SS18: variants seen among roughly 807,000 people sequenced by gnomAD.
SS18 encodes the protein SS18 subunit of BAF chromatin remodeling complex.
SS18 carries 28 observed loss-of-function variants against 72.5 expected under a neutral mutation model. That is an observed-to-expected ratio of 0.39 (90% confidence interval 0.29 to 0.53). The LOEUF is 0.53. SS18 is among the 20% of genes least tolerant of loss of function. The pLI, the probability that SS18 is intolerant of heterozygous loss-of-function variation, is 0.76. For synonymous variants in SS18, 172 were observed against 164.2 expected (o/e 1.05, Z -0.37); for missense variants, 518 against 535.3 (o/e 0.97, Z 0.32).
intron 2 of SS18, among the ~76,000 whole-genome samples, chr18:26,081,986 A>G (rs999519772): frequency 3.3e-5 from 5 of 152,068 alleles, no homozygotes; most frequent in Non-Finnish European, 5.9e-5. Flanking sequence ...TGAGAACAGG[A>G]GGTTGAGGCT....
At chr18:26,075,347 C>T (rs7243944) in intron 3 of SS18, among the ~76,000 whole-genome samples, 23 of 151,946 alleles carry the variant, frequency 1.5e-4, no homozygotes, top group African/African-American at 5.3e-4. Flanking sequence ...AACTGAATAT[C>T]GCAATTTCTT....
intron 10 of SS18, among the ~76,000 whole-genome samples, chr18:26,024,322 GA>G (rs1403121510): frequency 6.6e-6 from 1 of 150,650 alleles, no homozygotes; most frequent in Non-Finnish European, 1.5e-5. Flanking sequence ...AGAGGGTGGT[GA>G]TGGCTGCACT....
At chr18:26,076,271 GAA>G (rs1002567461) in intron 3 of SS18, among the ~76,000 whole-genome samples, 4 of 138,834 alleles carry the variant, frequency 2.9e-5, no homozygotes. Flanking sequence ...GATATTCTTG[GAA>G]AAAAAAAAAA....
At chr18:26,059,032 A>C (rs2054073878) in intron 3 of SS18, among the ~76,000 whole-genome samples, 1 of 152,128 alleles carries the variant, frequency 6.6e-6, no homozygotes, top group African/African-American at 2.4e-5. Context: ...TTCTTGTCCA[A>C]ATTTTCTGTT....
chr18:26,089,081 T>A (rs1008665050), intron 1 of SS18, among the ~76,000 whole-genome samples: 19 of 152,126 alleles, frequency 1.2e-4, no homozygotes, highest in African/African-American at 4.3e-4. Flanking sequence ...AATATCAATC[T>A]CTCCCATTGT....
In SS18 at chr18:26,082,287, A is replaced by T. The variant is rs151021440; in HGVS notation, c.147-4127T>A. The stretch of plus-strand genomic sequence containing the variant: ...ACTCATCAATTACTTTGAATAAAGT[A>T]AAATGGACACTCTATTTGTTGACAT... On this transcript the variant is annotated intron_variant, in intron 2 of 10. Transcript: ENST00000415083. The T allele has an allele frequency of 3.1e-5, 23 of 748,418 alleles. No homozygotes were observed. The African/African-American group carries it at 3.8e-4, about 12-fold the overall frequency. 46.4% of individuals were successfully genotyped at this position (748,418 alleles called of 1,614,324 possible).
chr18:26,035,174 A>G lies in SS18; in HGVS notation c.974-47T>C. On this transcript the variant is annotated intron_variant, in intron 8 of 10. Coordinates refer to ENST00000415083, the MANE Select transcript of SS18 (RefSeq NM_001007559.3). The surrounding 1 kb of genome is among the most constrained non-coding windows in gnomAD (Gnocchi z 4.4). ...GGAAAAAAAACTGAGAAGTCTGCTTAAGTAACTTTTTTCCCTCTAAGATGC... is the reference window on the plus strand; with the variant it reads ...GGAAAAAAAACTGAGAAGTCTGCTTGAGTAACTTTTTTCCCTCTAAGATGC... 6.2e-7 allele frequency: 1 copy of G among 1,601,504 alleles called. No individual in the cohort carries two copies.
At chr18:26,047,354 C>A (rs1278572311) in intron 5 of SS18, among the ~76,000 whole-genome samples, 3 of 149,108 alleles carry the variant, frequency 2.0e-5, no homozygotes, top group Non-Finnish European at 3.0e-5. Context: ...TAATAAAAAT[C>A]TTCTCAGGCC....
chr18:26,090,761 C>T (rs2144217586), upstream of SS18: 6 of 620,202 alleles, frequency 9.7e-6, no homozygotes, highest in Non-Finnish European at 8.5e-6. Context: ...CTTCTGCGCA[C>T]TCTGGGGGAC....
intron 2 of SS18, among the ~76,000 whole-genome samples, chr18:26,082,725 T>A (rs2054547893): frequency 1.3e-5 from 2 of 152,224 alleles, no homozygotes; most frequent in African/African-American, 4.8e-5. Context: ...TTTGTGTGTG[T>A]CTGCAGAGAG....
At chr18:26,087,104 A>G (rs961251094) in intron 2 of SS18, among the ~76,000 whole-genome samples, 1 of 152,230 alleles carries the variant, frequency 6.6e-6, no homozygotes, top group Non-Finnish European at 1.5e-5. Context: ...TGAGGTACTG[A>G]AACATGGTTC....
chr18:26,020,074 A>G (rs2053321469), intron 10 of SS18, among the ~76,000 whole-genome samples: 1 of 152,184 alleles, frequency 6.6e-6, no homozygotes, highest in African/African-American at 2.4e-5. Flanking sequence ...TAAACATAAT[A>G]AAAGGTTTAA....
intron 10 of SS18, among the ~76,000 whole-genome samples, chr18:26,022,048 C>G (rs2053360347): frequency 6.6e-6 from 1 of 152,090 alleles, no homozygotes; most frequent in Admixed American, 6.6e-5. Context: ...CTGAGCAATA[C>G]CAAAATCTTT....
chr18:26,090,684 G>A, upstream of SS18: 1 of 1,116,158 alleles, frequency 9.0e-7, no homozygotes. Context: ...GAGGGGGGAT[G>A]CTCCGGGGCC....
chr18:26,090,256 G>A (rs1328697207), intron 1 of SS18: 1 of 533,506 alleles, frequency 1.9e-6, no homozygotes, highest in Non-Finnish European at 3.3e-6. Context: ...TCAGGCGGCG[G>A]CTGTTTGGGC....
chr18:26,090,137 A>C, intron 1 of SS18: 1 of 237,078 alleles, frequency 4.2e-6, no homozygotes, highest in Non-Finnish European at 8.1e-6. Context: ...CGCCAAAGTA[A>C]CTCCGGAGCA....
chr18:26,073,331 T>C (rs1169333445), intron 3 of SS18, among the ~76,000 whole-genome samples: 1 of 152,188 alleles, frequency 6.6e-6, no homozygotes, highest in East Asian at 1.9e-4. Flanking sequence ...ATGTCCATTT[T>C]AAATGCATCC....
At chr18:26,047,071 G>A (rs1336142363) in intron 5 of SS18, among the ~76,000 whole-genome samples, 1 of 152,008 alleles carries the variant, frequency 6.6e-6, no homozygotes, top group Non-Finnish European at 1.5e-5. Flanking sequence ...AGCAAGGCCT[G>A]CCTGTATTTC....
At chr18:26,064,585 C>T (rs533852096) in intron 3 of SS18, among the ~76,000 whole-genome samples, 1 of 151,990 alleles carries the variant, frequency 6.6e-6, no homozygotes. Context: ...ACAATAAAAT[C>T]TTTCAGAAAC....
Sources: allele counts gnomAD v4.1 joint callset (sites outside exome capture counted in the v4.1 genomes callset), GRCh38; gene constraint gnomAD v4.1.1; non-coding constraint Gnocchi (gnomAD v3.1); transcripts MANE v1.5; gene names NCBI Gene and HGNC (gene_info 2026-07-23, HGNC 2026-07-21).